The following NELL1 variants were observed in gnomAD, a reference collection of about 807,000 sequenced individuals.
The protein encoded by NELL1 is protein kinase C-binding protein NELL1.
A neutral mutation model predicts 107.4 loss-of-function variants in NELL1; 76 were observed. That is an observed-to-expected ratio of 0.71 (90% CI 0.59 to 0.86). The LOEUF is 0.86. NELL1 is among the 40% of genes least tolerant of loss of function. The pLI is 0.00. For missense variants in NELL1, 1,024 were observed against 1,005.5 expected (o/e 1.02, Z -0.25); for synonymous variants, 353 against 341.2 (o/e 1.03, Z -0.38).
Position 20,861,952 on chromosome 11 carries a change from C to A in NELL1, c.506+14199C>A, listed in dbSNP as rs548905269. On this transcript the variant is annotated intron_variant, in intron 4 of 19. Coordinates refer to ENST00000357134, the MANE Select transcript of NELL1 (RefSeq NM_006157.5). Reference sequence around the variant, plus strand: ...CAGTGCATTTAGATCAAATAGGACACTCCTGGTTGCTAATAACAGTGGCTG... The same window carrying A: ...CAGTGCATTTAGATCAAATAGGACAATCCTGGTTGCTAATAACAGTGGCTG... Among the ~76,000 whole-genome samples, 7 of 152,302 alleles carry A rather than the reference C, an allele frequency of 4.6e-5. No individual in the cohort carries two copies. In the South Asian group the frequency reaches 1.5e-3, roughly 32 times the overall value.
At chr11:21,194,960 T>C (rs1018341062) in intron 13 of NELL1, among the ~76,000 whole-genome samples, 1 of 152,176 alleles carries the variant, frequency 6.6e-6, no homozygotes, top group African/African-American at 2.4e-5. Flanking sequence ...CAAGAGGTAA[T>C]GCCTGTTCAT....
intron 12 of NELL1, among the ~76,000 whole-genome samples, chr11:21,112,392 C>G (rs1855128210): frequency 6.6e-6 from 1 of 151,924 alleles, no homozygotes; most frequent in African/African-American, 2.4e-5. Flanking sequence ...TCCTCGGTTT[C>G]TGTACATTAA....
intron 5 of NELL1, among the ~76,000 whole-genome samples, chr11:20,899,209 T>A (rs1849818930): frequency 6.6e-6 from 1 of 152,088 alleles, no homozygotes; most frequent in African/African-American, 2.4e-5. Context: ...GCACATGGAA[T>A]CTTTGTGAAA....
At chr11:20,901,034 T>C (rs545039524) in intron 5 of NELL1, among the ~76,000 whole-genome samples, 2 of 152,216 alleles carry the variant, frequency 1.3e-5, no homozygotes, top group South Asian at 4.1e-4. Context: ...GTTTAAATAT[T>C]AAGAGAATTC....
intron 14 of NELL1, among the ~76,000 whole-genome samples, chr11:21,324,085 T>A (rs1850073184): frequency 6.6e-6 from 1 of 152,084 alleles, no homozygotes; most frequent in African/African-American, 2.4e-5. Flanking sequence ...AATTTAGGAG[T>A]GTAATAAACT....
intron 13 of NELL1, among the ~76,000 whole-genome samples, chr11:21,196,357 AC>A (rs1268555854): frequency 1.3e-5 from 2 of 152,082 alleles, no homozygotes; most frequent in African/African-American, 2.4e-5. Flanking sequence ...ACCTATGGCC[AC>A]CTTGGAGATA....
chr11:20,975,123 C>T (rs560166761), intron 12 of NELL1, among the ~76,000 whole-genome samples: 76 of 152,244 alleles, frequency 5.0e-4, no homozygotes, highest in African/African-American at 1.8e-3. Flanking sequence ...ATTCTCCTGC[C>T]TCAGCTTCCG....
At chr11:20,946,190 GA>G (rs1347946404) in intron 10 of NELL1, among the ~76,000 whole-genome samples, 1 of 152,114 alleles carries the variant, frequency 6.6e-6, no homozygotes, top group African/African-American at 2.4e-5. Context: ...CATGAAGACG[GA>G]AAACTCAGTC....
chr11:21,381,904 A>ATTTTTTTTTTTTTTTTTTTTTT (rs149327802), intron 15 of NELL1, among the ~76,000 whole-genome samples: 4 of 91,376 alleles, frequency 4.4e-5, no homozygotes, highest in Admixed American at 1.3e-4. Context: ...CCTGGAAGGG[A>ATTTTTTTTTTTTTTTTTTTTTT]TTTTTTTTTT....
chr11:20,994,244 A>T (rs1852041876), intron 12 of NELL1, among the ~76,000 whole-genome samples: 2 of 152,248 alleles, frequency 1.3e-5, no homozygotes, highest in Admixed American at 6.5e-5. Flanking sequence ...CAATCATGGT[A>T]CAAACTCAGC....
intron 12 of NELL1, among the ~76,000 whole-genome samples, chr11:21,057,884 A>G (rs1421262344): frequency 6.6e-6 from 1 of 152,116 alleles, no homozygotes. Flanking sequence ...ATTTCCAAAC[A>G]TGCTTACATG....
At chr11:21,446,822 T>A (rs933696989) in intron 15 of NELL1, among the ~76,000 whole-genome samples, 1 of 152,164 alleles carries the variant, frequency 6.6e-6, no homozygotes, top group Non-Finnish European at 1.5e-5. Flanking sequence ...AATCAGCACA[T>A]TGTGAGGCCA....
intron 14 of NELL1, among the ~76,000 whole-genome samples, chr11:21,256,925 T>G (rs1858784487): frequency 6.6e-6 from 1 of 152,020 alleles, no homozygotes; most frequent in Non-Finnish European, 1.5e-5. Flanking sequence ...GGGTTACAGC[T>G]GTGCACAGCA....
chr11:20,677,824 A>G, intron 1 of NELL1, 108 bp from the exon 2 acceptor site: 3 of 1,264,586 alleles, frequency 2.4e-6, no homozygotes, highest in East Asian at 2.3e-5. Flanking sequence ...CTCTCCAAGC[A>G]CTCATCATTG....
intron 14 of NELL1, among the ~76,000 whole-genome samples, chr11:21,341,390 T>C (rs1250177392): frequency 2.6e-5 from 4 of 152,178 alleles, no homozygotes; most frequent in African/African-American, 9.7e-5. Flanking sequence ...ATTTGGCGTA[T>C]TCTGTACATA....
chr11:20,993,137 A>G (rs11025870), intron 12 of NELL1, among the ~76,000 whole-genome samples: 6,896 of 152,160 alleles, frequency 0.045, 212 homozygotes, highest in Middle Eastern at 0.21. Flanking sequence ...CATGATATTC[A>G]TGGCTCGATT....
At chr11:21,393,674 A>G (rs572508488) in intron 15 of NELL1, among the ~76,000 whole-genome samples, 1 of 151,854 alleles carries the variant, frequency 6.6e-6, no homozygotes, top group Admixed American at 6.6e-5. Flanking sequence ...ATTTTCTAGT[A>G]CAGTAGATAG....
intron 2 of NELL1, among the ~76,000 whole-genome samples, chr11:20,728,698 G>A (rs561916253): frequency 7.2e-5 from 11 of 151,790 alleles, no homozygotes; most frequent in Non-Finnish European, 1.5e-4. Context: ...GTATCATGCT[G>A]TTTTGGTTAC....
chr11:21,503,860 T>A (rs1195725792), intron 15 of NELL1, among the ~76,000 whole-genome samples: 2 of 152,160 alleles, frequency 1.3e-5, no homozygotes, highest in African/African-American at 4.8e-5. Flanking sequence ...CTTGGCTTTT[T>A]TTTTTTAAAT....
Sources: gnomAD v4.1 joint callset for allele counts (sites outside exome capture counted in the v4.1 genomes callset) on GRCh38, gnomAD v4.1.1 for gene constraint, MANE v1.5 for transcripts, NCBI Gene and HGNC (gene_info 2026-07-23, HGNC 2026-07-21) for gene names.